Variants in CLVS1 observed in about 807,000 individuals in gnomAD.
The protein encoded by CLVS1 is clavesin 1, also known as clavesin-1.
In CLVS1, 10 loss-of-function variants were observed where a neutral mutation model predicts 33.1. That is an observed-to-expected ratio of 0.30 (90% confidence interval 0.19 to 0.51). The LOEUF (loss-of-function observed/expected upper bound fraction) is 0.51. CLVS1 is among the 20% of genes least tolerant of loss of function. CLVS1 has a pLI of 0.97. For missense variants in CLVS1, 343 were observed against 433.4 expected (o/e 0.79, Z 1.85); for synonymous variants, 163 against 166.1 (o/e 0.98, Z 0.14).
chr8:61,346,466 CT>C (rs1195405044), intron 2 of CLVS1, among the ~76,000 whole-genome samples: 1 of 152,016 alleles, frequency 6.6e-6, no homozygotes, highest in African/African-American at 2.4e-5. Flanking sequence ...CCCTTAAAGC[CT>C]TATAGATATG....
intron 2 of CLVS1, among the ~76,000 whole-genome samples, chr8:61,247,488 C>T (rs1056473358): frequency 2.6e-5 from 4 of 152,104 alleles, no homozygotes; most frequent in African/African-American, 7.2e-5. Flanking sequence ...TAATAATAGC[C>T]GTTCTGACTG....
chr8:61,369,846 A>G (rs1483136947), intron 2 of CLVS1, among the ~76,000 whole-genome samples: 1 of 152,174 alleles, frequency 6.6e-6, no homozygotes, highest in Non-Finnish European at 1.5e-5. Flanking sequence ...CCCAGTCTAG[A>G]GGTCAAAATA....
intron 3 of CLVS1, among the ~76,000 whole-genome samples, chr8:61,442,930 A>G (rs1037478428): frequency 6.6e-6 from 1 of 152,008 alleles, no homozygotes; most frequent in South Asian, 2.1e-4. Context: ...AGCCATTCTG[A>G]TGGATTTGTA....
At chr8:61,402,320 G>C (rs1475790217) in intron 3 of CLVS1, among the ~76,000 whole-genome samples, 2 of 151,820 alleles carry the variant, frequency 1.3e-5, no homozygotes, top group African/African-American at 4.8e-5. Flanking sequence ...CACAGAACTT[G>C]TTTGTCTCTA....
At chr8:61,218,835 T>G (rs1053095523) in intron 2 of CLVS1, among the ~76,000 whole-genome samples, 2 of 149,996 alleles carry the variant, frequency 1.3e-5, no homozygotes, top group Non-Finnish European at 3.0e-5. Flanking sequence ...TCCCAGCCAC[T>G]AGGGAGACTG....
intron 2 of CLVS1, among the ~76,000 whole-genome samples, chr8:61,182,505 T>C (rs2931306): frequency 0.16 from 24,342 of 151,804 alleles, 2,161 homozygotes; most frequent in Admixed American, 0.25. Context: ...AACAACCCCA[T>C]CCAAAAGTGG....
intron 1 of CLVS1, among the ~76,000 whole-genome samples, chr8:61,129,677 G>A (rs1222742926): frequency 6.6e-6 from 1 of 152,144 alleles, no homozygotes; most frequent in African/African-American, 2.4e-5. Context: ...CATGGTGGAA[G>A]GGAAGACCAA....
chr8:61,165,400 C>T (rs1426954116), intron 2 of CLVS1, among the ~76,000 whole-genome samples: 2 of 152,216 alleles, frequency 1.3e-5, no homozygotes, highest in African/African-American at 2.4e-5. Context: ...TTGCCCTTGC[C>T]AGCTCGAATG....
At chr8:61,014,085 GTTT>G in the CLVS1 span, among the ~76,000 whole-genome samples, 9 of 126,802 alleles carry the variant, frequency 7.1e-5, no homozygotes, top group African/African-American at 1.2e-4. Context: ...ACTTTTTAGT[GTTT>G]TTTTTTTTTT....
intron 3 of CLVS1, among the ~76,000 whole-genome samples, chr8:61,447,297 A>G (rs977553989): frequency 2.0e-5 from 3 of 152,138 alleles, no homozygotes; most frequent in Non-Finnish European, 4.4e-5. Flanking sequence ...TCTTATGGAC[A>G]GCATATATAG....
At chr8:61,448,379 A>C (rs1419005462) in intron 3 of CLVS1, among the ~76,000 whole-genome samples, 2 of 151,968 alleles carry the variant, frequency 1.3e-5, no homozygotes, top group African/African-American at 4.8e-5. Context: ...AATGACACAA[A>C]TTTTAGATTT....
intron 2 of CLVS1, among the ~76,000 whole-genome samples, chr8:61,235,972 A>C (rs1808548540): frequency 6.6e-6 from 1 of 152,126 alleles, no homozygotes; most frequent in Non-Finnish European, 1.5e-5. Flanking sequence ...CAGGTTTCAG[A>C]CCCATGAAAT....
intron 3 of CLVS1, among the ~76,000 whole-genome samples, chr8:61,389,808 G>C (rs1814230354): frequency 6.6e-6 from 1 of 152,130 alleles, no homozygotes; most frequent in African/African-American, 2.4e-5. Flanking sequence ...TTCATCTAAA[G>C]TAGCTATAAT....
At chr8:61,203,597 A>G (rs865799458) in intron 2 of CLVS1, among the ~76,000 whole-genome samples, 11 of 152,140 alleles carry the variant, frequency 7.2e-5, no homozygotes, top group African/African-American at 2.4e-4. Context: ...TGCTTGTAGG[A>G]TAAGTTACTA....
chr8:61,101,249 CT>C (rs1253519373), intron 1 of CLVS1, among the ~76,000 whole-genome samples: 2 of 152,118 alleles, frequency 1.3e-5, no homozygotes, highest in Non-Finnish European at 2.9e-5. Context: ...TTCGCCAATA[CT>C]TTTTGATTCT....
chr8:61,222,787 T>A (rs902896471), intron 2 of CLVS1, among the ~76,000 whole-genome samples: 12 of 152,186 alleles, frequency 7.9e-5, no homozygotes, highest in African/African-American at 2.7e-4. Flanking sequence ...GTTAACAGTC[T>A]CCCACTATTA....
chr8:61,217,122 A>G (rs1348547815), intron 2 of CLVS1, among the ~76,000 whole-genome samples: 1 of 152,180 alleles, frequency 6.6e-6, no homozygotes, highest in Admixed American at 6.5e-5. Context: ...AGACTTTTTC[A>G]TGATTTTCCT....
chr8:61,079,251 T>A (rs3889429), intron 1 of CLVS1, among the ~76,000 whole-genome samples: 65,747 of 152,030 alleles, frequency 0.43, 15,151 homozygotes, highest in East Asian at 0.62. Context: ...TTATTCCCTC[T>A]TCAGGGGAGG....
chr8:61,038,111 T>G, the CLVS1 span, among the ~76,000 whole-genome samples: 1 of 152,160 alleles, frequency 6.6e-6, no homozygotes, highest in Non-Finnish European at 1.5e-5. Flanking sequence ...AGTTGCTGAG[T>G]GTGACTTGAG....
Sources: allele counts gnomAD v4.1 joint callset (sites outside exome capture counted in the v4.1 genomes callset), GRCh38; gene constraint gnomAD v4.1.1; transcripts MANE v1.5; gene names NCBI Gene and HGNC (gene_info 2026-07-23, HGNC 2026-07-21).